The following IL16 variants were observed in gnomAD, a reference collection of about 807,000 sequenced individuals.
The protein encoded by IL16 is interleukin 16, also known as pro-interleukin-16.
IL16 carries 67 observed loss-of-function variants against 110.1 expected under a neutral mutation model. That is an observed-to-expected ratio of 0.61 (90% confidence interval 0.50 to 0.75). The LOEUF is 0.75. Ranked by LOEUF, IL16 falls within the 30% of genes least tolerant of loss-of-function variation. The pLI, the probability that IL16 is intolerant of heterozygous loss-of-function variation, is 0.00. For missense variants in IL16, 1,545 were observed against 1,655.0 expected (o/e 0.93, Z 1.15); for synonymous variants, 689 against 662.9 (o/e 1.04, Z -0.61).
At chr15:81,247,076 CTTTT>C (rs57484982) in intron 2 of IL16, among the ~76,000 whole-genome samples, 1 of 92,634 alleles carries the variant, frequency 1.1e-5, no homozygotes, top group Non-Finnish European at 2.1e-5. Flanking sequence ...TTTTCTTTTC[CTTTT>C]TTTTTTTTTT....
chr15:81,306,462 C>T lies in IL16; in HGVS notation c.3722C>T (p.Ser1241Leu), dbSNP rs373629180. 9.9e-6 allele frequency: 16 copies of T among 1,614,042 alleles called. No individual in the cohort carries two copies. Among genetic ancestry groups the T allele is most frequent in the Middle Eastern group, 3.3e-4 (2 of 6,060 alleles). The change falls in exon 18 of 19, where the codon TCG becomes TTG. Residue 1241 changes from serine to leucine, a missense_variant. Transcript: ENST00000683961. ...TGCACGGTGACACTGGAGAAGATGT[C>T]GGCAGGGCTGGGCTTCAGCCTGGAA... The part of the protein sequence containing the change: ...TVCTVTLEKM[S>L]AGLGFSLEGG...
At chr15:81,233,959 C>G (rs1220179946) in intron 2 of IL16, among the ~76,000 whole-genome samples, 1 of 152,048 alleles carries the variant, frequency 6.6e-6, no homozygotes, top group Non-Finnish European at 1.5e-5. Context: ...TGAAGCTATA[C>G]TCTATGTGCA....
rs1207780304 is a variant in IL16 at position 81,282,717 on chromosome 15, T to C, written c.1160T>C (p.Leu387Pro). 17 of 1,614,064 alleles carry C rather than the reference T, an allele frequency of 1.1e-5. No homozygotes were observed. Among genetic ancestry groups the C allele is most frequent in the African/African-American group, 2.7e-5 (2 of 74,954 alleles). Residue 387 changes from leucine (L) to proline (P), a missense_variant, in exon 9 of 19, where the codon CTG becomes CCG. Leu to Pro is a moderately conservative substitution (Grantham distance 98). This residue lies in a region of IL16 where 1,185 missense variants were observed against 1,238.8 expected (regional missense o/e 0.96). Coordinates refer to ENST00000683961, the MANE Select transcript of IL16 (RefSeq NM_172217.5). The stretch of plus-strand genomic sequence containing the variant: ...ATCTCTGGCATTTTCGTCCACACGC[T>C]GTCACCAGGATCCGTGGCGCACCTG... ...QCISGIFVHT[L>P]SPGSVAHLDG...
chr15:81,230,864 G>A (rs1896947431), intron 2 of IL16, among the ~76,000 whole-genome samples: 1 of 152,110 alleles, frequency 6.6e-6, no homozygotes. Flanking sequence ...ATACATGGGT[G>A]GCGGACAAAG....
In IL16 at chr15:81,199,548, G is replaced by A. The variant is rs141939337; in HGVS notation, c.-102+2396G>A. On this transcript the variant is annotated intron_variant, in intron 1 of 18. Coordinates refer to ENST00000683961, the MANE Select transcript of IL16 (RefSeq NM_172217.5). ...GGATCCCGCGTGGAGATCTCCATCG[G>A]TCTTGCCCCTGGCTGAGTCTTGGCA... Among the ~76,000 whole-genome samples the A allele has an allele frequency of 1.4e-3, 209 of 151,394 alleles. 1 individual carries two copies. Among genetic ancestry groups the A allele is most frequent in the African/African-American group, 4.8e-3 (197 of 41,230 alleles).
rs922481563 is a variant in IL16 at position 81,296,768 on chromosome 15, A to T, written c.1903-160A>T. 6.2e-6 allele frequency: 4 copies of T among 645,444 alleles called. No homozygotes were observed. In the African/African-American group the frequency reaches 7.4e-5, roughly 12 times the overall value. The allele number at this position is 645,444 out of a possible 1,614,324, so 40.0% of individuals were successfully genotyped here. Reference sequence around the variant, plus strand: ...TAGGAGGTGCTGGCTCTGCCACGTCAGCACCAAGGAGAAAAGAATCCTCTT... The same window carrying T: ...TAGGAGGTGCTGGCTCTGCCACGTCTGCACCAAGGAGAAAAGAATCCTCTT... On this transcript the variant is annotated intron_variant, in intron 12 of 18. Transcript: ENST00000683961.
intron 1 of IL16, among the ~76,000 whole-genome samples, chr15:81,189,733 A>T (rs991325266): frequency 1.3e-5 from 2 of 152,210 alleles, no homozygotes; most frequent in African/African-American, 2.4e-5. Flanking sequence ...GTGTGCTGAC[A>T]TGTGGAGGTG....
At chr15:81,223,405 T>G (rs1896684246) in intron 1 of IL16, among the ~76,000 whole-genome samples, 1 of 152,156 alleles carries the variant, frequency 6.6e-6, no homozygotes. Context: ...GTGCTGAGGA[T>G]AAAGATCCAG....
upstream of IL16, among the ~76,000 whole-genome samples, chr15:81,193,893 G>A (rs1018183830): frequency 2.6e-5 from 4 of 152,008 alleles, no homozygotes. Context: ...GTCCATTACT[G>A]TCAGGTTACA....
intron 1 of IL16, among the ~76,000 whole-genome samples, chr15:81,218,343 G>C (rs538065414): frequency 1.3e-5 from 2 of 152,210 alleles, no homozygotes; most frequent in South Asian, 4.1e-4. Flanking sequence ...TTGAAAGTCT[G>C]AAAAGAAAAT....
At chr15:81,277,175 T>C (rs148574440) in intron 6 of IL16, among the ~76,000 whole-genome samples, 9 of 152,198 alleles carry the variant, frequency 5.9e-5, no homozygotes, top group African/African-American at 2.2e-4. Flanking sequence ...AATTATCCAG[T>C]AGGCCACGCA....
intron 5 of IL16, among the ~76,000 whole-genome samples, chr15:81,270,248 TA>T (rs1400481241): frequency 6.6e-6 from 1 of 152,176 alleles, no homozygotes; most frequent in African/African-American, 2.4e-5. Context: ...GATGGTGAGA[TA>T]GGGGGCGTAC....
intron 1 of IL16, among the ~76,000 whole-genome samples, chr15:81,211,673 C>T (rs1566997238): frequency 6.6e-6 from 1 of 152,176 alleles, no homozygotes; most frequent in Non-Finnish European, 1.5e-5. Context: ...CAGGCATGAG[C>T]CACTGCACTT....
At chr15:81,275,302 T>G (rs1444445677) in intron 6 of IL16, among the ~76,000 whole-genome samples, 1 of 138,634 alleles carries the variant, frequency 7.2e-6, no homozygotes, top group African/African-American at 2.7e-5. Context: ...TGCAGACATT[T>G]GGGGAGCATG....
intron 2 of IL16, among the ~76,000 whole-genome samples, chr15:81,248,409 G>T (rs1389037502): frequency 1.3e-5 from 2 of 151,272 alleles, no homozygotes; most frequent in Admixed American, 6.6e-5. Flanking sequence ...TTTCTTAAAT[G>T]GTTTATGGTT....
intron 1 of IL16, among the ~76,000 whole-genome samples, chr15:81,219,175 A>G (rs1896533977): frequency 6.6e-6 from 1 of 152,124 alleles, no homozygotes; most frequent in South Asian, 2.1e-4. Context: ...CCAATTATTA[A>G]CAATTACTAA....
At chr15:81,293,131 A>T (rs1442166459) in intron 12 of IL16, 94 bp downstream of exon 12, 25 of 1,355,376 alleles carry the variant, frequency 1.8e-5, no homozygotes, top group Middle Eastern at 5.1e-4. Context: ...CAGGGCCAGA[A>T]TGAAAGTTTC....
At chr15:81,279,037 G>GA in intron 7 of IL16, 147 bp downstream of exon 7, 1 of 649,670 alleles carries the variant, frequency 1.5e-6, no homozygotes, top group Non-Finnish European at 2.8e-6. Flanking sequence ...AGGGTTAAAA[G>GA]AAGACCTGAC....
At chr15:81,272,879 G>T (rs1236359002) in intron 5 of IL16, among the ~76,000 whole-genome samples, 1 of 152,108 alleles carries the variant, frequency 6.6e-6, no homozygotes. Context: ...AGCCCAGGCT[G>T]GCCTTCATGC....
Sources: allele counts gnomAD v4.1 joint callset (sites outside exome capture counted in the v4.1 genomes callset), GRCh38; gene constraint gnomAD v4.1.1; regional missense constraint gnomAD v4.1.1; transcripts MANE v1.5; gene names NCBI Gene and HGNC (gene_info 2026-07-23, HGNC 2026-07-21).